CUL2: variants seen among roughly 807,000 people sequenced by gnomAD.
CUL2 encodes the protein cullin 2, also known as cullin-2.
Under a neutral mutation model 110.2 loss-of-function variants are expected in CUL2, and 22 were observed. The observed-to-expected ratio is 0.20, with a 90% CI of 0.14 to 0.28. The LOEUF (loss-of-function observed/expected upper bound fraction) is 0.28, where lower values mean the gene tolerates loss of function less well. Among genes scored for constraint, CUL2 ranks in the 10% least tolerant of loss-of-function variants. The pLI, the probability that CUL2 is intolerant of heterozygous loss-of-function variation, is 1.00. For missense variants in CUL2, 631 were observed against 905.5 expected, an observed-to-expected ratio of 0.70 and a Z score of 3.89; for synonymous variants, 279 against 293.2, an observed-to-expected ratio of 0.95 and a Z score of 0.49.
At chr10:35,125,248 T>C (rs966037300) in intron 1 of CUL2, among the ~76,000 whole-genome samples, 11 of 152,224 alleles carry the variant, frequency 7.2e-5, no homozygotes, top group Admixed American at 3.3e-4. Context: ...TAAGTATGTG[T>C]ATCTCACCTC....
intron 1 of CUL2, among the ~76,000 whole-genome samples, chr10:35,073,836 C>T (rs983358943): frequency 5.9e-5 from 9 of 152,080 alleles, no homozygotes; most frequent in Admixed American, 2.0e-4. Context: ...AAACTCCTGA[C>T]CTCAAGTGAT....
At chr10:35,014,206 C>T (rs141283609) in intron 18 of CUL2, among the ~76,000 whole-genome samples, 24 of 152,186 alleles carry the variant, frequency 1.6e-4, no homozygotes, top group African/African-American at 5.5e-4. Context: ...TTACAAATGC[C>T]GCAGTAACAA....
intron 6 of CUL2, among the ~76,000 whole-genome samples, chr10:35,046,545 A>T (rs2085945957): frequency 6.6e-6 from 1 of 152,192 alleles, no homozygotes; most frequent in Admixed American, 6.5e-5. Flanking sequence ...GGTAAAGTTT[A>T]AAAAGCTAAC....
rs2085306150 is a variant in CUL2 at position 35,025,216 on chromosome 10, A to AC, written c.1618-19_1618-18insG. On this transcript the variant is annotated intron_variant, in intron 16 of 20. Transcript: ENST00000374749. Reference sequence around the variant, plus strand: ...AATTCAAACTGTAAAAAAAAAAAAAAAACACACATTATTTTTAGCTACTAT... The same window carrying AC: ...AATTCAAACTGTAAAAAAAAAAAAAACAACACACATTATTTTTAGCTACTAT... 4 of 1,553,366 alleles carry AC rather than the reference A, an allele frequency of 2.6e-6. No homozygotes were observed. Among genetic ancestry groups the AC allele is most frequent in the South Asian group, 2.5e-5 (2 of 81,374 alleles).
At chr10:35,081,066 T>C (rs2086936105) in intron 1 of CUL2, among the ~76,000 whole-genome samples, 1 of 151,954 alleles carries the variant, frequency 6.6e-6, no homozygotes, top group South Asian at 2.1e-4. Flanking sequence ...AATAAAATTA[T>C]AGTAGCTGGG....
At chr10:35,049,595 G>A (rs1049183328) in intron 6 of CUL2, 88 bp downstream of exon 6, 44 of 1,035,776 alleles carry the variant, frequency 4.2e-5, no homozygotes, top group Non-Finnish European at 7.1e-6. Flanking sequence ...CCCAAGGCTA[G>A]TCACTGGCTC....
At chr10:35,012,761 A>G (rs1448665328) in intron 19 of CUL2, among the ~76,000 whole-genome samples, 1 of 152,198 alleles carries the variant, frequency 6.6e-6, no homozygotes, top group East Asian at 1.9e-4. Flanking sequence ...GTTTCTGGAG[A>G]GGGTCTAACA....
chr10:35,041,473 A>G lies in CUL2; in HGVS notation c.715-2391T>C, dbSNP rs552498313. 2.5e-3 allele frequency among the ~76,000 whole-genome samples: 384 copies of G among 152,294 alleles called. 3 individuals are homozygous for G. The highest frequency in any genetic ancestry group is 8.9e-3 in the African/African-American group (371 of 41,568). ...TCATTCCCCAATTAACTAAATGGAG[A>G]GCAAAGCCCAGGGTTTTGCCCTTGA... On this transcript the variant is annotated intron_variant, in intron 8 of 20. Transcript: ENST00000374749.
At chr10:35,101,614 A>G (rs2087378205) in intron 1 of CUL2, among the ~76,000 whole-genome samples, 1 of 152,200 alleles carries the variant, frequency 6.6e-6, no homozygotes, top group African/African-American at 2.4e-5. Flanking sequence ...TACAAGTGGG[A>G]TGCTAGGTCC....
chr10:35,103,308 A>ATTTTTTTTTTTTTTTTTTTTTT (rs67257350), intron 1 of CUL2, among the ~76,000 whole-genome samples: 1 of 94,546 alleles, frequency 1.1e-5, no homozygotes, highest in Admixed American at 1.5e-4. Context: ...GGCCAAGCTA[A>ATTTTTTTTTTTTTTTTTTTTTT]TTTTTTTTTT....
chr10:35,031,506 C>T lies in CUL2; in HGVS notation c.1284G>A (p.Lys428=). The T allele has an allele frequency of 1.2e-6, 2 of 1,613,916 alleles. No individual in the cohort carries two copies. Among genetic ancestry groups the T allele is most frequent in the Non-Finnish European group, 1.7e-6 (2 of 1,179,886 alleles). Reference sequence around the variant, plus strand: ...CACAACATACCTTTTGAAAGACGTCCTTGTCATCAATGTATTTGAACACTG... The same window carrying T: ...CACAACATACCTTTTGAAAGACGTCTTTGTCATCAATGTATTTGAACACTG... ...FITVFKYIDD[K]DVFQKFYARM... Residue 428 remains lysine, a synonymous_variant, in exon 13 of 21, where the codon AAG becomes AAA. Coordinates refer to ENST00000374749, the MANE Select transcript of CUL2 (RefSeq NM_003591.4). This position sits in a 1 kb window ranked among gnomAD's most constrained non-coding sequence, Gnocchi z 4.4.
chr10:35,075,638 ACAC>A (rs2086797662), intron 1 of CUL2, among the ~76,000 whole-genome samples: 1 of 13,350 alleles, frequency 7.5e-5, no homozygotes, highest in African/African-American at 3.5e-4. Context: ...GCCCTAAAAC[ACAC>A]ACACACACAC....
At chr10:35,070,075 C>A (rs983134082) in intron 2 of CUL2, among the ~76,000 whole-genome samples, 2 of 152,088 alleles carry the variant, frequency 1.3e-5, no homozygotes, top group African/African-American at 4.8e-5. Context: ...CCCGTATGAC[C>A]CTGGGCAAAT....
intron 1 of CUL2, among the ~76,000 whole-genome samples, chr10:35,106,783 G>T (rs2087462529): frequency 6.6e-6 from 1 of 151,700 alleles, no homozygotes; most frequent in Admixed American, 6.6e-5. Flanking sequence ...AAGCAGAGTG[G>T]TTATGATCTG....
At chr10:35,022,616 A>G (rs754237950) in intron 17 of CUL2, among the ~76,000 whole-genome samples, 72 of 152,350 alleles carry the variant, frequency 4.7e-4, no homozygotes, top group Non-Finnish European at 8.1e-4. Flanking sequence ...ACTTTTTGTT[A>G]AATGAATAAA....
intron 5 of CUL2, among the ~76,000 whole-genome samples, chr10:35,051,535 C>T (rs577742942): frequency 1.4e-4 from 22 of 152,136 alleles, no homozygotes; most frequent in Non-Finnish European, 7.4e-5. Flanking sequence ...ATGGCGTGAA[C>T]CGGCCGGGCG....
chr10:35,070,983 T>C (rs1052435339), intron 2 of CUL2, among the ~76,000 whole-genome samples: 1 of 152,190 alleles, frequency 6.6e-6, no homozygotes, highest in Non-Finnish European at 1.5e-5. Context: ...CCTAAAGTAG[T>C]CCTTGACAGA....
At chr10:35,072,122 T>G (rs1449547547) in intron 1 of CUL2, among the ~76,000 whole-genome samples, 1 of 152,124 alleles carries the variant, frequency 6.6e-6, no homozygotes, top group Non-Finnish European at 1.5e-5. Flanking sequence ...AGGCTTTACC[T>G]TCCTGGAGCA....
intron 17 of CUL2, among the ~76,000 whole-genome samples, chr10:35,019,142 A>C (rs112029366): frequency 2.6e-4 from 39 of 152,354 alleles, no homozygotes; most frequent in African/African-American, 7.0e-4. Context: ...ATGACGACTT[A>C]ATCATATGCA....
Sources: gnomAD v4.1 joint callset for allele counts (sites outside exome capture counted in the v4.1 genomes callset) on GRCh38, gnomAD v4.1.1 for gene constraint, Gnocchi (gnomAD v3.1) non-coding constraint, MANE v1.5 for transcripts, NCBI Gene and HGNC (gene_info 2026-07-23, HGNC 2026-07-21) for gene names.